The following CAMK1D variants were observed in gnomAD, a reference collection of about 807,000 sequenced individuals.
CAMK1D encodes the protein calcium/calmodulin dependent protein kinase ID.
Under a neutral mutation model 47.7 loss-of-function variants are expected in CAMK1D, and 9 were observed. That is an observed-to-expected ratio of 0.19 (90% CI 0.11 to 0.33). The LOEUF is 0.33. Ranked by LOEUF, CAMK1D falls within the 10% of genes least tolerant of loss-of-function variation. The probability of loss-of-function intolerance (pLI) is 1.00; values close to 1 mark genes in which losing one functional copy is unlikely to be tolerated. For synonymous variants in CAMK1D, 184 were observed against 184.9 expected (o/e 0.99, Z 0.04); for missense variants, 291 against 488.7 (o/e 0.60, Z 3.81).
At chr10:12,371,620 A>G (rs1403015727) in intron 1 of CAMK1D, among the ~76,000 whole-genome samples, 4 of 141,258 alleles carry the variant, frequency 2.8e-5, no homozygotes, top group African/African-American at 7.9e-5. Context: ...TTTTTTGGCT[A>G]GGCACAGTGG....
intron 6 of CAMK1D, among the ~76,000 whole-genome samples, chr10:12,806,334 T>C (rs940325266): frequency 5.9e-5 from 9 of 152,200 alleles, no homozygotes; most frequent in African/African-American, 2.2e-4. Flanking sequence ...GCTCAGTCTT[T>C]GGTGACAGCC....
chr10:12,369,321 G>T (rs984271491), intron 1 of CAMK1D, among the ~76,000 whole-genome samples: 10 of 152,196 alleles, frequency 6.6e-5, no homozygotes, highest in African/African-American at 2.2e-4. Flanking sequence ...AAAACCATCA[G>T]ATAGGATGGA....
At chr10:12,406,936 C>T (rs1034080524) in intron 1 of CAMK1D, among the ~76,000 whole-genome samples, 2 of 152,054 alleles carry the variant, frequency 1.3e-5, no homozygotes, top group African/African-American at 4.8e-5. Context: ...CCTAGGGTGA[C>T]GTCACTGCTT....
chr10:12,736,443 C>T (rs913947744), intron 3 of CAMK1D, among the ~76,000 whole-genome samples: 1 of 152,166 alleles, frequency 6.6e-6, no homozygotes, highest in Admixed American at 6.5e-5. Flanking sequence ...AACAGTAATA[C>T]TGAGAATTTA....
At chr10:12,804,456 A>G (rs1838625152) in intron 6 of CAMK1D, among the ~76,000 whole-genome samples, 1 of 152,090 alleles carries the variant, frequency 6.6e-6, no homozygotes, top group South Asian at 2.1e-4. Flanking sequence ...TCTACTAAAC[A>G]TACAAAAATT....
Position 12,693,097 on chromosome 10 carries a change from C to T in CAMK1D, c.299+26287C>T, listed in dbSNP as rs907447241. On this transcript the variant is annotated intron_variant, in intron 3 of 10. Transcript: ENST00000619168. Reference sequence around the variant, plus strand: ...AGCAAAGACTAGCTGGGCTTGGTGGCTCACACCTGTAATCCCAGCACTTTG... The same window carrying T: ...AGCAAAGACTAGCTGGGCTTGGTGGTTCACACCTGTAATCCCAGCACTTTG... Among the ~76,000 whole-genome samples the T allele has an allele frequency of 3.9e-5, 6 of 152,134 alleles. No individual in the cohort carries two copies. The South Asian group carries it at 6.2e-4, about 16-fold the overall frequency.
intron 6 of CAMK1D, among the ~76,000 whole-genome samples, chr10:12,809,187 G>C (rs1472463864): frequency 1.3e-5 from 2 of 152,092 alleles, no homozygotes; most frequent in East Asian, 3.8e-4. Flanking sequence ...CTAACGGGTG[G>C]GAAGTGGCAT....
chr10:12,762,830 C>T (rs544810879), intron 4 of CAMK1D, among the ~76,000 whole-genome samples: 27 of 152,200 alleles, frequency 1.8e-4, no homozygotes, highest in Non-Finnish European at 3.7e-4. Context: ...GCACCTCTGC[C>T]AGGCCTCCGG....
intron 2 of CAMK1D, among the ~76,000 whole-genome samples, chr10:12,635,362 AGTCAATGAAGCAGT>A (rs1376806477): frequency 6.6e-6 from 1 of 152,222 alleles, no homozygotes; most frequent in Non-Finnish European, 1.5e-5. Context: ...TAGTAAACGT[AGTCAATGAAGCAGT>A]GAGTCAGTGC....
intron 1 of CAMK1D, among the ~76,000 whole-genome samples, chr10:12,513,009 C>T (rs962375774): frequency 2.6e-5 from 4 of 152,182 alleles, no homozygotes; most frequent in Non-Finnish European, 5.9e-5. Flanking sequence ...TGTTGTCTTT[C>T]CCTCACGAGC....
At chr10:12,529,405 C>T (rs1333095618) in intron 1 of CAMK1D, among the ~76,000 whole-genome samples, 3 of 152,156 alleles carry the variant, frequency 2.0e-5, no homozygotes, top group African/African-American at 7.2e-5. Context: ...TGTGTAATCA[C>T]CATGGAGTGT....
In CAMK1D at chr10:12,466,362, C is replaced by T. The variant is rs1224713516; in HGVS notation, c.93-86863C>T. Among the ~76,000 whole-genome samples the T allele has an allele frequency of 3.3e-5, 5 of 152,174 alleles. No individual in the cohort carries two copies. In the South Asian group the frequency reaches 6.2e-4, roughly 19 times the overall value. On this transcript the variant is annotated intron_variant, in intron 1 of 10. Coordinates refer to ENST00000619168, the MANE Select transcript of CAMK1D (RefSeq NM_153498.4). Reference sequence around the variant, plus strand: ...GGCATAGCTTGCAGTGAGCCGAGATCGCACCACTGCACTCCAGCCTGGGCG... The same window carrying T: ...GGCATAGCTTGCAGTGAGCCGAGATTGCACCACTGCACTCCAGCCTGGGCG...
intron 1 of CAMK1D, among the ~76,000 whole-genome samples, chr10:12,530,439 C>T (rs1045271573): frequency 2.6e-5 from 4 of 152,196 alleles, no homozygotes; most frequent in Non-Finnish European, 5.9e-5. Context: ...TTGATGATCT[C>T]TGCATCATCC....
At chr10:12,404,610 TC>T (rs1458094512) in intron 1 of CAMK1D, among the ~76,000 whole-genome samples, 6 of 152,148 alleles carry the variant, frequency 3.9e-5, no homozygotes, top group African/African-American at 1.4e-4. Flanking sequence ...ATGAATAACT[TC>T]CTTTGAAAGT....
chr10:12,536,556 A>G (rs150411083), intron 1 of CAMK1D, among the ~76,000 whole-genome samples: 89 of 152,266 alleles, frequency 5.8e-4, no homozygotes, highest in Non-Finnish European at 1.1e-3. Context: ...TGGGATTACA[A>G]GTGTGAGCCA....
intron 3 of CAMK1D, among the ~76,000 whole-genome samples, chr10:12,706,937 A>G (rs45618236): frequency 0.14 from 20,737 of 152,190 alleles, 2,055 homozygotes; most frequent in Non-Finnish European, 0.18. Flanking sequence ...GGGACGTGCT[A>G]GAATAGAGGG....
intron 2 of CAMK1D, among the ~76,000 whole-genome samples, chr10:12,619,245 G>A (rs1391986355): frequency 2.0e-5 from 3 of 151,962 alleles, no homozygotes; most frequent in Non-Finnish European, 4.4e-5. Context: ...TTCTCCTGAG[G>A]AAACTAAGGC....
intron 2 of CAMK1D, among the ~76,000 whole-genome samples, chr10:12,579,096 A>C (rs1837584372): frequency 6.6e-6 from 1 of 152,070 alleles, no homozygotes; most frequent in East Asian, 1.9e-4. Flanking sequence ...TTCAAAGAGC[A>C]AGAAACAATT....
At chr10:12,509,058 G>T (rs967357536) in intron 1 of CAMK1D, among the ~76,000 whole-genome samples, 3 of 152,184 alleles carry the variant, frequency 2.0e-5, no homozygotes, top group African/African-American at 7.2e-5. Flanking sequence ...ACAGAGTCTT[G>T]ACCATTCACA....
Sources: allele counts gnomAD v4.1 joint callset (sites outside exome capture counted in the v4.1 genomes callset), GRCh38; gene constraint gnomAD v4.1.1; transcripts MANE v1.5; gene names NCBI Gene and HGNC (gene_info 2026-07-23, HGNC 2026-07-21).